Variants in CLSTN2 observed in about 807,000 individuals in gnomAD.
CLSTN2 encodes the protein calsyntenin-2.
Under a neutral mutation model 101.2 loss-of-function variants are expected in CLSTN2, and 48 were observed. The ratio of observed to expected loss-of-function variants is 0.47; its 90% CI spans 0.38 to 0.60. The LOEUF (loss-of-function observed/expected upper bound fraction) is 0.60. Ranked by LOEUF, CLSTN2 falls within the 20% of genes least tolerant of loss-of-function variation. CLSTN2 has a pLI of 0.00. For missense variants in CLSTN2, 1,160 were observed against 1,238.2 expected, an observed-to-expected ratio of 0.94 and a Z score of 0.95; for synonymous variants, 481 against 463.6, an observed-to-expected ratio of 1.04 and a Z score of -0.48.
intron 8 of CLSTN2, among the ~76,000 whole-genome samples, chr3:140,467,843 G>C (rs1034618387): frequency 2.0e-5 from 3 of 152,042 alleles, no homozygotes; most frequent in Non-Finnish European, 4.4e-5. Context: ...AGTATTCCAG[G>C]AGGAATTCAT....
chr3:140,270,062 C>T (rs759154500), intron 2 of CLSTN2, among the ~76,000 whole-genome samples: 29 of 152,186 alleles, frequency 1.9e-4, no homozygotes, highest in Non-Finnish European at 4.0e-4. Context: ...AGCCTCAAAG[C>T]CAATATATGT....
chr3:140,125,740 CT>C (rs1321307988), intron 1 of CLSTN2, among the ~76,000 whole-genome samples: 1 of 152,092 alleles, frequency 6.6e-6, no homozygotes, highest in African/African-American at 2.4e-5. Flanking sequence ...TTTACGTGTT[CT>C]CCAGACACTT....
chr3:140,327,111 A>G (rs2087339384), intron 2 of CLSTN2, among the ~76,000 whole-genome samples: 1 of 152,244 alleles, frequency 6.6e-6, no homozygotes, highest in East Asian at 1.9e-4. Context: ...GAATACAAAG[A>G]GACAAGACTA....
At chr3:140,205,370 G>T (rs1378808157) in intron 2 of CLSTN2, among the ~76,000 whole-genome samples, 1 of 152,192 alleles carries the variant, frequency 6.6e-6, no homozygotes, top group Non-Finnish European at 1.5e-5. Context: ...CATGCACAGT[G>T]TAGATAAGAA....
intron 9 of CLSTN2, 114 bp from the exon 10 acceptor site, chr3:140,546,401 C>T: frequency 1.9e-6 from 2 of 1,050,100 alleles, no homozygotes; most frequent in African/African-American, 1.6e-5. Flanking sequence ...AGGAAAAGCT[C>T]AGGTTCAGGG....
chr3:140,504,664 C>A (rs1467914789), intron 8 of CLSTN2, among the ~76,000 whole-genome samples: 1 of 152,240 alleles, frequency 6.6e-6, no homozygotes, highest in Non-Finnish European at 1.5e-5. Context: ...CATTTTCTTA[C>A]ATCCACAGTC....
At chr3:139,988,545 T>A (rs1936066590) in intron 1 of CLSTN2, among the ~76,000 whole-genome samples, 1 of 152,178 alleles carries the variant, frequency 6.6e-6, no homozygotes. Context: ...ATATAGTCCC[T>A]GCCCCAGAAA....
At chr3:140,117,681 G>A (rs1484883370) in intron 1 of CLSTN2, among the ~76,000 whole-genome samples, 1 of 152,100 alleles carries the variant, frequency 6.6e-6, no homozygotes, top group Non-Finnish European at 1.5e-5. Flanking sequence ...AGTACTTTTA[G>A]CCCCTCCAGG....
At chr3:140,517,900 C>T (rs1355628334) in intron 8 of CLSTN2, among the ~76,000 whole-genome samples, 1 of 152,124 alleles carries the variant, frequency 6.6e-6, no homozygotes, top group East Asian at 1.9e-4. Flanking sequence ...GGATTATTTC[C>T]TTTGTCTTTG....
At chr3:140,043,948 T>C (rs2107765004) in intron 1 of CLSTN2, among the ~76,000 whole-genome samples, 1 of 152,354 alleles carries the variant, frequency 6.6e-6, no homozygotes, top group Non-Finnish European at 1.5e-5. Flanking sequence ...TAGTTTGAAG[T>C]CAGGTAGCGT....
rs1560047127 is a variant in CLSTN2 at position 139,935,240 on chromosome 3, G to A, written c.-135G>A. The A allele has an allele frequency of 5.1e-6, 2 of 394,164 alleles. No individual in the cohort carries two copies. The highest frequency in any genetic ancestry group is 8.5e-6 in the Non-Finnish European group (2 of 235,774). 24.4% of individuals were successfully genotyped at this position (394,164 alleles called of 1,614,324 possible). On this transcript the variant is annotated 5_prime_UTR_variant, in exon 1 of 17. Coordinates refer to ENST00000458420, the MANE Select transcript of CLSTN2 (RefSeq NM_022131.3). This position sits in a 1 kb window ranked among gnomAD's most constrained non-coding sequence, Gnocchi z 5.5. ...GGCGCAGCGGCGGGAACCCGAGGCC[G>A]AGCGCCGCGGCGGCAGCGCTAGAAG...
intron 2 of CLSTN2, among the ~76,000 whole-genome samples, chr3:140,243,354 GATAA>G (rs2086487485): frequency 2.0e-5 from 3 of 152,352 alleles, no homozygotes; most frequent in Admixed American, 2.0e-4. Flanking sequence ...ATGGGTAAAT[GATAA>G]GTCAGTAATG....
intron 1 of CLSTN2, among the ~76,000 whole-genome samples, chr3:140,101,148 T>C (rs2008959045): frequency 6.6e-6 from 1 of 152,186 alleles, no homozygotes; most frequent in African/African-American, 2.4e-5. Flanking sequence ...ATGTCTACTT[T>C]ATTAGGATTT....
chr3:140,022,888 C>T (rs115475117), intron 1 of CLSTN2, among the ~76,000 whole-genome samples: 1,550 of 152,286 alleles, frequency 0.01, 25 homozygotes, highest in African/African-American at 0.034. Context: ...AGGAGCAGAT[C>T]CCTGAGTCCC....
chr3:140,355,396 T>C (rs940163619), intron 2 of CLSTN2, among the ~76,000 whole-genome samples: 11 of 152,156 alleles, frequency 7.2e-5, no homozygotes, highest in African/African-American at 2.7e-4. Flanking sequence ...CATAGGATTG[T>C]TGTGAGGCTT....
Position 140,183,806 on chromosome 3 carries a change from A to G in CLSTN2, c.232+7733A>G, listed in dbSNP as rs141369675. Among the ~76,000 whole-genome samples the G allele has an allele frequency of 4.4e-3, 672 of 152,312 alleles. 4 individuals carry two copies. The highest frequency in any genetic ancestry group is 0.016 in the African/African-American group (648 of 41,554). ...CACACACTATATCATAATTTTAACAACAATCCTCTGAAATAGGCATTATTA... is the reference window on the plus strand; with the variant it reads ...CACACACTATATCATAATTTTAACAGCAATCCTCTGAAATAGGCATTATTA... On this transcript the variant is annotated intron_variant, in intron 2 of 16. Transcript: ENST00000458420.
chr3:139,946,632 G>C (rs962928370), intron 1 of CLSTN2, among the ~76,000 whole-genome samples: 1 of 152,172 alleles, frequency 6.6e-6, no homozygotes, highest in African/African-American at 2.4e-5. Context: ...GACCTGCCTT[G>C]GTGAGGGGCA....
chr3:140,521,575 G>A (rs34850738), intron 8 of CLSTN2, among the ~76,000 whole-genome samples: 4,695 of 152,300 alleles, frequency 0.031, 117 homozygotes, highest in Middle Eastern at 0.051. Flanking sequence ...ACCCTTGTTG[G>A]GAGGCCTCAC....
At chr3:140,468,948 T>G (rs1467875220) in intron 8 of CLSTN2, among the ~76,000 whole-genome samples, 1 of 152,196 alleles carries the variant, frequency 6.6e-6, no homozygotes, top group East Asian at 1.9e-4. Flanking sequence ...AGGAATTTAT[T>G]TTCTCACAGT....
Sources: allele counts gnomAD v4.1 joint callset (sites outside exome capture counted in the v4.1 genomes callset), GRCh38; gene constraint gnomAD v4.1.1; non-coding constraint Gnocchi (gnomAD v3.1); transcripts MANE v1.5; gene names NCBI Gene and HGNC (gene_info 2026-07-23, HGNC 2026-07-21).